Variants in CEP63 observed in about 807,000 individuals in gnomAD.
CEP63 encodes centrosomal protein 63, also known as centrosomal protein of 63 kDa.
CEP63 carries 84 observed loss-of-function variants against 89.1 expected under a neutral mutation model. The ratio of observed to expected loss-of-function variants is 0.94; its 90% CI spans 0.79 to 1.13. The LOEUF is 1.13. Ranked by LOEUF, CEP63 falls within the 50% of genes most tolerant of loss-of-function variation. The pLI is 0.00. For synonymous variants in CEP63, 267 were observed against 272.5 expected (o/e 0.98, Z 0.20); for missense variants, 838 against 813.3 (o/e 1.03, Z -0.37).
chr3:134,681,458 C>T, the CEP63 span, among the ~76,000 whole-genome samples: 1 of 152,114 alleles, frequency 6.6e-6, no homozygotes, highest in Admixed American at 6.5e-5. Context: ...GGCCCTGAAC[C>T]CACATGCAAT....
chr3:134,555,234 A>G (rs1228713806), intron 12 of CEP63, among the ~76,000 whole-genome samples: 1 of 152,166 alleles, frequency 6.6e-6, no homozygotes, highest in African/African-American at 2.4e-5. Flanking sequence ...GCCCTCTCTC[A>G]TCACTCCTAT....
chr3:134,700,396 G>A, the CEP63 span, among the ~76,000 whole-genome samples: 1 of 151,992 alleles, frequency 6.6e-6, no homozygotes, highest in African/African-American at 2.4e-5. Context: ...GTAATACATG[G>A]GCATAGTTTA....
chr3:134,745,816 A>G, the CEP63 span, among the ~76,000 whole-genome samples: 1 of 151,396 alleles, frequency 6.6e-6, no homozygotes, highest in South Asian at 2.1e-4. Context: ...TTTGCTCAGA[A>G]TGATCGTTTC....
At chr3:134,765,768 T>C in the CEP63 span, among the ~76,000 whole-genome samples, 1 of 152,266 alleles carries the variant, frequency 6.6e-6, no homozygotes, top group East Asian at 1.9e-4. Flanking sequence ...GCAGTGGTTC[T>C]CCAAGTTGTC....
At chr3:134,749,440 G>A in the CEP63 span, among the ~76,000 whole-genome samples, 8 of 152,218 alleles carry the variant, frequency 5.3e-5, no homozygotes, top group Admixed American at 1.3e-4. Flanking sequence ...ATGATTCAGC[G>A]GAGAGCCAAA....
chr3:134,540,323 A>G (rs891928368), intron 6 of CEP63, among the ~76,000 whole-genome samples: 3 of 152,228 alleles, frequency 2.0e-5, no homozygotes, highest in African/African-American at 7.2e-5. Flanking sequence ...ATTTGTAACC[A>G]GTCCCTTATT....
chr3:134,708,978 GA>G, the CEP63 span, among the ~76,000 whole-genome samples: 6 of 152,048 alleles, frequency 3.9e-5, no homozygotes, highest in South Asian at 2.1e-4. Flanking sequence ...TTAGGCTCAG[GA>G]AAAAAACCAC....
chr3:134,770,872 G>C, the CEP63 span, among the ~76,000 whole-genome samples: 1 of 152,300 alleles, frequency 6.6e-6, no homozygotes, highest in South Asian at 2.1e-4. Context: ...TAGTGCATAT[G>C]CTGACTAGCT....
chr3:134,701,681 C>G, the CEP63 span, among the ~76,000 whole-genome samples: 1 of 151,900 alleles, frequency 6.6e-6, no homozygotes, highest in Admixed American at 6.6e-5. Context: ...CAAGGATGCC[C>G]TTTCTCACCA....
chr3:134,561,809 T>TA lies in CEP63; in HGVS notation c.*275dup. The stretch of plus-strand genomic sequence containing the variant: ...ATATTTATTATCATAAAGTGATACT[T>TA]ACCTTGCTGACTTAAATGTGAATAG... On this transcript the variant is annotated 3_prime_UTR_variant, in exon 15 of 15. Transcript: ENST00000675561. The TA allele has an allele frequency of 8.1e-7, 1 of 1,235,916 alleles. No homozygotes were observed. Among genetic ancestry groups the TA allele is most frequent in the Non-Finnish European group, 1.0e-6 (1 of 980,094 alleles). 76.6% of individuals were successfully genotyped at this position (1,235,916 alleles called of 1,614,324 possible).
chr3:134,711,785 C>G, the CEP63 span, among the ~76,000 whole-genome samples: 1 of 146,080 alleles, frequency 6.8e-6, no homozygotes, highest in Non-Finnish European at 1.5e-5. Context: ...TTTTTTGAGA[C>G]AGAGTCTTAC....
chr3:134,574,714 C>T (rs963672875), intron 11 of CEP63: 7 of 496,076 alleles, frequency 1.4e-5, no homozygotes, highest in Non-Finnish European at 2.6e-5. Context: ...CTCAACTGAT[C>T]CACCTCAGCC....
chr3:134,720,099 G>T, the CEP63 span, among the ~76,000 whole-genome samples: 3 of 152,102 alleles, frequency 2.0e-5, no homozygotes, highest in African/African-American at 7.2e-5. Flanking sequence ...ATGTATGAGG[G>T]TTCCAATTTC....
the CEP63 span, among the ~76,000 whole-genome samples, chr3:134,640,405 A>G: frequency 3.9e-5 from 6 of 152,136 alleles, no homozygotes; most frequent in African/African-American, 1.4e-4. Flanking sequence ...CCCTATCTGT[A>G]AAATGAGGAT....
chr3:134,610,643 C>A, the CEP63 span: 1 of 431,610 alleles, frequency 2.3e-6, no homozygotes, highest in East Asian at 3.9e-5. Flanking sequence ...CTGAGACCAA[C>A]ACCATTCAGA....
At chr3:134,717,397 ACACT>A in the CEP63 span, among the ~76,000 whole-genome samples, 2 of 152,192 alleles carry the variant, frequency 1.3e-5, no homozygotes, top group Admixed American at 6.5e-5. Context: ...GTGTACACTC[ACACT>A]CACACACACA....
chr3:134,635,622 T>G, the CEP63 span, among the ~76,000 whole-genome samples: 1 of 152,106 alleles, frequency 6.6e-6, no homozygotes, highest in Non-Finnish European at 1.5e-5. Context: ...CCGATGGTGG[T>G]GTATTCTGGA....
chr3:134,611,128 C>A, the CEP63 span, among the ~76,000 whole-genome samples: 63 of 152,338 alleles, frequency 4.1e-4, no homozygotes, highest in Non-Finnish European at 7.3e-5. Context: ...GGCCACAATT[C>A]TGGAGTCTCC....
chr3:134,518,596 T>C (rs767848742), intron 3 of CEP63, among the ~76,000 whole-genome samples: 43 of 152,188 alleles, frequency 2.8e-4, no homozygotes, highest in Non-Finnish European at 5.7e-4. Context: ...TGAATAATAA[T>C]GAATATGGTA....
Sources: allele counts gnomAD v4.1 joint callset (sites outside exome capture counted in the v4.1 genomes callset), GRCh38; gene constraint gnomAD v4.1.1; transcripts MANE v1.5; gene names NCBI Gene and HGNC (gene_info 2026-07-23, HGNC 2026-07-21).